The following ANOS1 variants were observed in gnomAD, a reference collection of about 807,000 sequenced individuals.
ANOS1 encodes the protein anosmin 1.
Under a neutral mutation model 59.0 loss-of-function variants are expected in ANOS1, and 6 were observed. The observed-to-expected ratio is 0.10, with a 90% CI of 0.06 to 0.20. The LOEUF is 0.20. Among genes scored for constraint, ANOS1 ranks in the 10% least tolerant of loss-of-function variants. The pLI, the probability that ANOS1 is intolerant of heterozygous loss-of-function variation, is 1.00. For synonymous variants in ANOS1, 217 were observed against 223.4 expected, an observed-to-expected ratio of 0.97 and a Z score of 0.25; for missense variants, 433 against 542.3, an observed-to-expected ratio of 0.80 and a Z score of 2.00.
chrX:8,725,609 GATATATAT>G lies in ANOS1; in HGVS notation c.207+6213_207+6220del, dbSNP rs199789462. Among the ~76,000 whole-genome samples, 29 of 21,948 alleles carry G rather than the reference GATATATAT, an allele frequency of 1.3e-3. 2 individuals are homozygous for G. The highest frequency in any genetic ancestry group is 3.3e-3 in the Admixed American group (6 of 1,811). The allele number at this position is 21,948 out of a possible 115,157, so 19.1% of individuals were successfully genotyped here. ...ATATATATACAGATATATATATACA[GATATATAT>G]ATATACAGATATATATATACAGATA... On this transcript the variant is annotated intron_variant, in intron 1 of 13. Coordinates refer to ENST00000262648, the MANE Select transcript of ANOS1 (RefSeq NM_000216.4).
At chrX:8,718,066 C>A (rs1454216072) in intron 1 of ANOS1, among the ~76,000 whole-genome samples, 1 of 108,429 alleles carries the variant, frequency 9.2e-6, no homozygotes, top group Admixed American at 9.9e-5. Flanking sequence ...TGTCTCAAAA[C>A]GTAAATAAAT....
At chrX:8,578,457 G>A (rs987275186) in intron 6 of ANOS1, among the ~76,000 whole-genome samples, 2 of 111,580 alleles carry the variant, frequency 1.8e-5, no homozygotes, top group Admixed American at 9.6e-5. Flanking sequence ...GTGGAACAGA[G>A]TAAAAAGTCA....
At chrX:8,609,121 A>G (rs1930996738) in intron 3 of ANOS1, among the ~76,000 whole-genome samples, 2 of 112,006 alleles carry the variant, frequency 1.8e-5, no homozygotes, top group African/African-American at 6.5e-5. Context: ...TTTGTTCCTC[A>G]CAACTGGAAG....
chrX:8,640,305 C>G (rs138504956), intron 2 of ANOS1, among the ~76,000 whole-genome samples: 2,024 of 110,875 alleles, frequency 0.018, 23 homozygotes, highest in Non-Finnish European at 0.03. Context: ...CATGATCTTC[C>G]TAACAAGGGG....
chrX:8,644,722 C>T (rs375123138), intron 2 of ANOS1, among the ~76,000 whole-genome samples: 2 of 111,795 alleles, frequency 1.8e-5, no homozygotes, highest in African/African-American at 6.5e-5. Context: ...TTCTTCAACC[C>T]CACTGTCCTT....
intron 1 of ANOS1, among the ~76,000 whole-genome samples, chrX:8,725,489 C>T (rs751669901): frequency 9.6e-6 from 1 of 103,928 alleles, no homozygotes; most frequent in East Asian, 2.9e-4. Context: ...TGTCCAAATA[C>T]ACACATGTGG....
At chrX:8,697,696 CTTCTGACTTTTCTGAGTT>C (rs1932703857) in intron 2 of ANOS1, among the ~76,000 whole-genome samples, 1 of 112,158 alleles carries the variant, frequency 8.9e-6, no homozygotes, top group South Asian at 3.7e-4. Flanking sequence ...ATTAACACTG[CTTCTGACTTTTCTGAGTT>C]TTCTGACTTT....
intron 2 of ANOS1, among the ~76,000 whole-genome samples, chrX:8,691,499 AGATGGATGGATGGATGGATG>A (rs747847381): frequency 1.8e-5 from 2 of 110,951 alleles, no homozygotes; most frequent in Non-Finnish European, 3.8e-5. Context: ...AGACAGATTA[AGATGGATGGATGGATGGATG>A]GATGGATGGA....
chrX:8,538,681 GTC>G (rs1466824934), intron 10 of ANOS1, among the ~76,000 whole-genome samples: 1 of 112,067 alleles, frequency 8.9e-6, no homozygotes, highest in Non-Finnish European at 1.9e-5. Flanking sequence ...TATTTAGAAT[GTC>G]TGTTTAATTA....
chrX:8,565,589 T>C (rs1416955946), intron 8 of ANOS1, among the ~76,000 whole-genome samples: 1 of 112,076 alleles, frequency 8.9e-6, no homozygotes, highest in East Asian at 2.8e-4. Flanking sequence ...GAAAAGACAA[T>C]AGCGTGAACA....
At chrX:8,552,198 C>T (rs143500524) in intron 9 of ANOS1, among the ~76,000 whole-genome samples, 5,875 of 112,018 alleles carry the variant, frequency 0.052, 384 homozygotes, top group African/African-American at 0.18. Flanking sequence ...ATGGAAAATA[C>T]CACATGACAG....
chrX:8,589,545 T>C (rs1311999262), intron 4 of ANOS1, among the ~76,000 whole-genome samples: 2 of 112,296 alleles, frequency 1.8e-5, no homozygotes, highest in Non-Finnish European at 3.8e-5. Flanking sequence ...ATGGTTTTGA[T>C]AGATATGCAA....
chrX:8,639,614 T>C (rs1374147010), intron 2 of ANOS1, among the ~76,000 whole-genome samples: 8 of 112,176 alleles, frequency 7.1e-5, no homozygotes, highest in Non-Finnish European at 1.1e-4. Context: ...AGAAATGTAT[T>C]CATGTTTATA....
intron 8 of ANOS1, among the ~76,000 whole-genome samples, chrX:8,564,535 G>C (rs1930079557): frequency 9.0e-6 from 1 of 111,676 alleles, no homozygotes; most frequent in South Asian, 3.8e-4. Context: ...TTATATGCCA[G>C]GGATTATGAC....
intron 2 of ANOS1, among the ~76,000 whole-genome samples, chrX:8,647,829 A>C (rs1285397650): frequency 8.9e-6 from 1 of 111,738 alleles, no homozygotes; most frequent in Non-Finnish European, 1.9e-5. Context: ...CGTTTGAGCC[A>C]AAAAAGCATC....
At chrX:8,614,788 G>A (rs905857510) in intron 3 of ANOS1, among the ~76,000 whole-genome samples, 8 of 59,880 alleles carry the variant, frequency 1.3e-4, no homozygotes, top group African/African-American at 2.6e-4. Context: ...CTCCAGTCTT[G>A]GTCCCATAAA....
rs1300992460 is a variant in ANOS1 at position 8,562,518 on chromosome X, C to T, written c.1207+5714G>A. Among the ~76,000 whole-genome samples, 16 of 111,838 alleles carry T rather than the reference C, an allele frequency of 1.4e-4. No individual in the cohort carries two copies. In the Admixed American group the frequency reaches 1.5e-3, roughly 11 times the overall value. ...TGAAAAAGTTATGATGTCTGATTTA[C>T]ACTCGATAGTCATAGAAATTAAGAA... On this transcript the variant is annotated intron_variant, in intron 8 of 13. Transcript: ENST00000262648.
chrX:8,695,584 C>T (rs897187354), intron 2 of ANOS1, among the ~76,000 whole-genome samples: 27 of 110,183 alleles, frequency 2.5e-4, no homozygotes, highest in Non-Finnish European at 4.5e-4. Context: ...ATCTTTCTGA[C>T]TTCCCACCAG....
intron 1 of ANOS1, among the ~76,000 whole-genome samples, chrX:8,705,386 G>C (rs753507794): frequency 6.9e-4 from 77 of 111,756 alleles, no homozygotes; most frequent in African/African-American, 2.4e-3. Flanking sequence ...TGCATCCATA[G>C]TTCCTTTTTG....
Sources: gnomAD v4.1 joint callset for allele counts (sites outside exome capture counted in the v4.1 genomes callset) on GRCh38, gnomAD v4.1.1 for gene constraint, MANE v1.5 for transcripts, NCBI Gene and HGNC (gene_info 2026-07-23, HGNC 2026-07-21) for gene names.